GABRB3: variants seen among roughly 807,000 people sequenced by gnomAD.
The protein encoded by GABRB3 is gamma-aminobutyric acid type A receptor subunit beta3.
GABRB3 carries 14 observed loss-of-function variants against 52.1 expected under a neutral mutation model. The observed-to-expected ratio is 0.27, with a 90% CI of 0.18 to 0.42. GABRB3 has a LOEUF of 0.42. Ranked by LOEUF, GABRB3 falls within the 10% of genes least tolerant of loss-of-function variation. GABRB3 has a pLI of 1.00. For synonymous variants in GABRB3, 260 were observed against 232.3 expected (o/e 1.12, Z -1.08); for missense variants, 307 against 609.1 (o/e 0.50, Z 5.22).
chr15:26,660,160 G>A (rs1887495342), intron 3 of GABRB3, among the ~76,000 whole-genome samples: 1 of 151,920 alleles, frequency 6.6e-6, no homozygotes, highest in African/African-American at 2.4e-5. Flanking sequence ...AACCCGGGAG[G>A]TGGAGGTTGC....
chr15:26,710,144 A>G (rs1289387462), intron 3 of GABRB3, among the ~76,000 whole-genome samples: 2 of 152,234 alleles, frequency 1.3e-5, no homozygotes, highest in Non-Finnish European at 2.9e-5. Flanking sequence ...ATTACATGGT[A>G]CAGATAGGCC....
At chr15:26,639,505 A>G (rs1893144981) in intron 3 of GABRB3, among the ~76,000 whole-genome samples, 1 of 152,206 alleles carries the variant, frequency 6.6e-6, no homozygotes, top group Non-Finnish European at 1.5e-5. Flanking sequence ...GGATATGTGT[A>G]GGATATATGC....
rs574116332 is a variant in GABRB3, at chr15:26,629,012, G to A, written c.241-7478C>T. On this transcript the variant is annotated intron_variant, in intron 3 of 8. Transcript: ENST00000311550. ...TGGTAGGTGGCCCACATGGGGACAC[G>A]AGGGAGTCTCCCGGTATCCCGGTGC... 1.4e-5 allele frequency: 22 copies of A among 1,536,174 alleles called. 1 individual carries two copies. The Middle Eastern group carries it at 6.7e-4, about 47-fold the overall frequency.
At chr15:26,564,132 C>T (rs917320006) in intron 7 of GABRB3, among the ~76,000 whole-genome samples, 3 of 152,098 alleles carry the variant, frequency 2.0e-5, no homozygotes, top group Middle Eastern at 3.4e-3. Context: ...AAAGGAAATG[C>T]TAATTGGAGC....
intron 6 of GABRB3, among the ~76,000 whole-genome samples, chr15:26,569,599 GC>G (rs1890316382): frequency 6.6e-6 from 1 of 152,186 alleles, no homozygotes; most frequent in Admixed American, 6.5e-5. Flanking sequence ...ATATATTTGT[GC>G]AGAGCCGGTT....
chr15:26,638,906 C>T (rs948889994), intron 3 of GABRB3, among the ~76,000 whole-genome samples: 10 of 152,156 alleles, frequency 6.6e-5, no homozygotes, highest in African/African-American at 2.2e-4. Flanking sequence ...CACGCTCCGC[C>T]GGGAACTAGG....
chr15:26,646,490 T>C (rs958630971), intron 3 of GABRB3, among the ~76,000 whole-genome samples: 2 of 152,214 alleles, frequency 1.3e-5, no homozygotes, highest in South Asian at 2.1e-4. Flanking sequence ...ATTTCCACTT[T>C]AGGGAAATTG....
chr15:26,749,744 C>T (rs994757858), intron 3 of GABRB3, among the ~76,000 whole-genome samples: 1 of 151,624 alleles, frequency 6.6e-6, no homozygotes, highest in African/African-American at 2.4e-5. Context: ...GGTCCTTTCG[C>T]GGGGGCTTTT....
chr15:26,601,074 G>A (rs1891569226), intron 4 of GABRB3, among the ~76,000 whole-genome samples: 1 of 152,068 alleles, frequency 6.6e-6, no homozygotes, highest in Non-Finnish European at 1.5e-5. Context: ...GATGTTCTAC[G>A]TAAGGCTCAT....
chr15:26,760,037 G>A (rs1198301300), intron 3 of GABRB3, among the ~76,000 whole-genome samples: 2 of 152,218 alleles, frequency 1.3e-5, no homozygotes, highest in Non-Finnish European at 2.9e-5. Context: ...AATCCCAGCT[G>A]TTTATGTACA....
rs148591646 is a variant in GABRB3, at chr15:26,719,596, C to T, written c.240+52806G>A. Reference sequence around the variant, plus strand: ...GCAGATATTTATTATCATTCAAGCACAGTGTTTTAAAATGTCTCGAGGTGT... The same window carrying T: ...GCAGATATTTATTATCATTCAAGCATAGTGTTTTAAAATGTCTCGAGGTGT... On this transcript the variant is annotated intron_variant, in intron 3 of 8. Transcript: ENST00000311550. Among the ~76,000 whole-genome samples, 386 of 152,270 alleles carry T rather than the reference C, an allele frequency of 2.5e-3. 2 individuals carry two copies. Among genetic ancestry groups the T allele is most frequent in the African/African-American group, 8.9e-3 (371 of 41,560 alleles).
chr15:26,583,540 T>C, intron 4 of GABRB3, 126 bp from the exon 5 acceptor site: 1 of 730,674 alleles, frequency 1.4e-6, no homozygotes, highest in South Asian at 1.5e-5. Flanking sequence ...CTAAACATCA[T>C]TCACTATATA....
intron 3 of GABRB3, among the ~76,000 whole-genome samples, chr15:26,696,160 C>A (rs1227807071): frequency 9.9e-5 from 15 of 152,176 alleles, no homozygotes. Flanking sequence ...ATCCTTCCTC[C>A]TCCAGCTTAT....
At chr15:26,768,667 A>G (rs892397018) in intron 3 of GABRB3, among the ~76,000 whole-genome samples, 8 of 152,210 alleles carry the variant, frequency 5.3e-5, no homozygotes, top group African/African-American at 1.9e-4. Flanking sequence ...ATAGAAATAT[A>G]CAAACTAAAT....
At position 26,545,759 on chromosome 15, in the gene GABRB3, G is replaced by C. The variant is rs1250260453; in HGVS notation, c.*2034C>G. ...CCCCATTGTTACCCATGGAAAAAAT[G>C]GTCAGAGAAAAGCCAAAGCCAAAGA... On this transcript the variant is annotated 3_prime_UTR_variant, in exon 9 of 9. Coordinates refer to ENST00000311550, the MANE Select transcript of GABRB3 (RefSeq NM_000814.6). The C allele has an allele frequency of 6.6e-6, 1 of 152,322 alleles. No homozygotes were observed. The highest frequency in any genetic ancestry group is 1.5e-5 in the Non-Finnish European group (1 of 68,028). The allele number at this position is 152,322 out of a possible 1,614,324, so 9.4% of individuals were successfully genotyped here.
In GABRB3 at chr15:26,545,846, T is replaced by C. The variant is rs1303155050; in HGVS notation, c.*1947A>G. The C allele has an allele frequency of 2.0e-5, 3 of 152,554 alleles. No individual in the cohort carries two copies. Among genetic ancestry groups the C allele is most frequent in the East Asian group, 1.9e-4 (1 of 5,198 alleles). 9.5% of individuals were successfully genotyped at this position (152,554 alleles called of 1,614,324 possible). Reference sequence around the variant, plus strand: ...AGAGCAGCGATTAGGAGGAAAAAGATAGGAATGAAAGAGGGAAAAGGGTCT... The same window carrying C: ...AGAGCAGCGATTAGGAGGAAAAAGACAGGAATGAAAGAGGGAAAAGGGTCT... On this transcript the variant is annotated 3_prime_UTR_variant, in exon 9 of 9. Transcript: ENST00000311550.
Position 26,567,646 on chromosome 15 carries a change from A to G in GABRB3, c.770T>C (p.Ile257Thr). Residue 257 changes from isoleucine (I) to threonine (T), a missense_variant, in exon 7 of 9, where the codon ATA (isoleucine) becomes ACA (threonine). Ile to Thr is a moderately conservative substitution (Grantham distance 89, BLOSUM62 -1). Around this residue, in one of 6 missense-constraint regions of GABRB3, gnomAD observed 32 missense variants for 147.8 expected, o/e 0.22. Coordinates refer to ENST00000311550, the MANE Select transcript of GABRB3 (RefSeq NM_000814.6). Reference protein sequence around the residue: ...ILQTYMPSILITILSWVSFWI... With the variant: ...ILQTYMPSILTTILSWVSFWI... ...GAAGGACACCCACGACAGAATCGTTATCAGTATAGAGGGCATATAAGTCTG... is the reference window on the plus strand; with the variant it reads ...GAAGGACACCCACGACAGAATCGTTGTCAGTATAGAGGGCATATAAGTCTG... 1 of 1,614,180 alleles carries G rather than the reference A, an allele frequency of 6.2e-7. No homozygotes were observed. Among genetic ancestry groups the G allele is most frequent in the Non-Finnish European group, 8.5e-7 (1 of 1,180,028 alleles).
chr15:26,568,048 T>C (rs1405166975), intron 6 of GABRB3, among the ~76,000 whole-genome samples: 1 of 152,274 alleles, frequency 6.6e-6, no homozygotes, highest in Admixed American at 6.5e-5. Flanking sequence ...TATTCTTTAA[T>C]GAATGATTAT....
intron 3 of GABRB3, among the ~76,000 whole-genome samples, chr15:26,770,914 G>C (rs905456560): frequency 6.6e-6 from 1 of 152,168 alleles, no homozygotes; most frequent in Non-Finnish European, 1.5e-5. Flanking sequence ...AATTTTTACT[G>C]TAAGGTAATT....
Sources: gnomAD v4.1 joint callset for allele counts (sites outside exome capture counted in the v4.1 genomes callset) on GRCh38, gnomAD v4.1.1 for gene constraint, gnomAD v4.1.1 regional missense constraint, MANE v1.5 for transcripts, NCBI Gene and HGNC (gene_info 2026-07-23, HGNC 2026-07-21) for gene names.